DIP2A: variants seen among roughly 807,000 people sequenced by gnomAD.
DIP2A encodes disco-interacting protein 2 homolog A.
DIP2A carries 85 observed loss-of-function variants against 177.4 expected under a neutral mutation model. That is an observed-to-expected ratio of 0.48 (90% CI 0.40 to 0.57). The LOEUF (loss-of-function observed/expected upper bound fraction) is 0.57, where lower values mean the gene tolerates loss of function less well. Ranked by LOEUF, DIP2A falls within the 20% of genes least tolerant of loss-of-function variation. The probability of loss-of-function intolerance (pLI) is 0.00; values close to 1 mark genes in which losing one functional copy is unlikely to be tolerated. For synonymous variants in DIP2A, 886 were observed against 881.8 expected (o/e 1.00, Z -0.08); for missense variants, 1,791 against 2,100.2 (o/e 0.85, Z 2.88).
At chr21:46,496,226 T>A (rs1568970159) in intron 3 of DIP2A, among the ~76,000 whole-genome samples, 2 of 152,008 alleles carry the variant, frequency 1.3e-5, no homozygotes, top group East Asian at 3.9e-4. Flanking sequence ...CATTTGTATC[T>A]CCTCTCCCTC....
intron 8 of DIP2A, among the ~76,000 whole-genome samples, chr21:46,512,811 ACAAAC>A (rs1320771929): frequency 2.3e-5 from 2 of 86,624 alleles, no homozygotes; most frequent in African/African-American, 9.0e-5. Flanking sequence ...AAAAAAAAAA[ACAAAC>A]AAAACAAAAA....
Position 46,539,892 on chromosome 21 carries a change from G to A in DIP2A, c.1937G>A (p.Cys646Tyr), listed in dbSNP as rs780841579. 54 of 1,613,964 alleles carry A rather than the reference G, an allele frequency of 3.3e-5. No individual in the cohort carries two copies. The East Asian group carries it at 1.0e-3, about 31-fold the overall frequency. The change falls in exon 17 of 38, where the codon TGT (cysteine) becomes TAT (tyrosine). Residue 646 changes from cysteine to tyrosine, a missense_variant. Transcript: ENST00000417564. ...CTCTGTGCAGGGTCGATCTCCTCCT[G>A]TGACGCCTTCCTCAACGTCTTCCAG... Reference protein sequence around the residue: ...DGANPWSISSCDAFLNVFQSR... With the variant: ...DGANPWSISSYDAFLNVFQSR...
In DIP2A at chr21:46,459,144, G is replaced by T. The variant is rs1167130720; in HGVS notation, c.13G>T (p.Gly5Trp). 6 of 1,513,926 alleles carry T rather than the reference G, an allele frequency of 4.0e-6. No homozygotes were observed. The highest frequency in any genetic ancestry group is 2.1e-5 in the Admixed American group (1 of 47,528). 93.8% of individuals were successfully genotyped at this position (1,513,926 alleles called of 1,614,324 possible). A position where few individuals can be genotyped will look rare whatever the true frequency, so the allele number is the denominator to read the frequency against. The part of the protein sequence containing the change: MADR[G>W]CPLEAAPLPA... ...AGCCGGCCTGGCCATGGCTGACCGC[G>T]GGTGCCCGCTGGAGGCGGCGCCGCT... The change falls in exon 1 of 38, where the codon GGG becomes TGG. Residue 5 changes from glycine to tryptophan, a missense_variant. Transcript: ENST00000417564.
chr21:46,557,813 AAAC>A lies in DIP2A; in HGVS notation c.3798+66_3798+68del. 6.5e-7 allele frequency: 1 copy of A among 1,548,696 alleles called. No individual in the cohort carries two copies. The highest frequency in any genetic ancestry group is 8.8e-7 in the Non-Finnish European group (1 of 1,141,342). On this transcript the variant is annotated intron_variant, in intron 31 of 37. Transcript: ENST00000417564. The surrounding 1 kb of genome is among the most constrained non-coding windows in gnomAD (Gnocchi z 6.0). ...CAGACCACAGCCCTGGGAAGTTTAA[AAAC>A]AACAAAACAAAACAAGACTCCCAAG...
At chr21:46,468,018 G>A (rs940770344) in intron 1 of DIP2A, among the ~76,000 whole-genome samples, 2 of 151,844 alleles carry the variant, frequency 1.3e-5, no homozygotes, top group African/African-American at 4.8e-5. Context: ...AATCCCAGCA[G>A]TTTGGGAGGC....
chr21:46,580,078 G>A, the DIP2A span, among the ~76,000 whole-genome samples: 21 of 152,274 alleles, frequency 1.4e-4, no homozygotes, highest in East Asian at 3.9e-3. Flanking sequence ...TATTGTGTGA[G>A]AGTCTAAGTC....
At chr21:46,468,261 CA>C (rs1207842729) in intron 1 of DIP2A, among the ~76,000 whole-genome samples, 55 of 87,846 alleles carry the variant, frequency 6.3e-4, no homozygotes, top group African/African-American at 1.8e-3. Context: ...GAGACTGTCT[CA>C]AAAAAAAAAA....
In DIP2A at chr21:46,498,991, T is replaced by C. The variant is rs73909569; in HGVS notation, c.655+158T>C. ...AGTGACTGAGGTCACACAACCCAGA[T>C]AACCCATACTGGCTTATCTGCCTGA... On this transcript the variant is annotated intron_variant, in intron 5 of 37. Coordinates refer to ENST00000417564, the MANE Select transcript of DIP2A (RefSeq NM_015151.4). The surrounding 1 kb of genome is among the most constrained non-coding windows in gnomAD (Gnocchi z 4.3). Among the ~76,000 whole-genome samples, 7,096 of 152,256 alleles carry C rather than the reference T, an allele frequency of 0.047. 532 individuals carry two copies. Among genetic ancestry groups the C allele is most frequent in the African/African-American group, 0.16 (6,612 of 41,524 alleles).
intron 1 of DIP2A, among the ~76,000 whole-genome samples, chr21:46,479,018 T>C (rs1303037261): frequency 6.6e-6 from 1 of 152,224 alleles, no homozygotes; most frequent in Admixed American, 6.5e-5. Flanking sequence ...TTAATCTATA[T>C]AGAGAGAAAG....
intron 8 of DIP2A, among the ~76,000 whole-genome samples, chr21:46,520,523 G>T (rs1301714885): frequency 1.3e-5 from 2 of 152,182 alleles, no homozygotes; most frequent in Non-Finnish European, 2.9e-5. Flanking sequence ...AACCTCCAAA[G>T]TTATCAGAAA....
At chr21:46,555,189 C>T (rs929438720) in intron 28 of DIP2A, among the ~76,000 whole-genome samples, 12 of 152,242 alleles carry the variant, frequency 7.9e-5, no homozygotes, top group Non-Finnish European at 1.6e-4. Flanking sequence ...CCCTCTCACC[C>T]GCCTCCTACT....
At chr21:46,490,535 G>T in intron 2 of DIP2A, 65 bp from the exon 3 acceptor site, 1 of 1,499,382 alleles carries the variant, frequency 6.7e-7, no homozygotes, top group South Asian at 1.3e-5. Context: ...TGTTTTCAAT[G>T]GACTTTTTCA....
chr21:46,557,273 C>T lies in DIP2A; in HGVS notation c.3629+204C>T. 2 of 652,960 alleles carry T rather than the reference C, an allele frequency of 3.1e-6. No homozygotes were observed. Among genetic ancestry groups the T allele is most frequent in the Admixed American group, 5.9e-5 (2 of 33,844 alleles). 40.4% of individuals were successfully genotyped at this position (652,960 alleles called of 1,614,324 possible). On this transcript the variant is annotated intron_variant, in intron 30 of 37. Transcript: ENST00000417564. The surrounding 1 kb of genome is among the most constrained non-coding windows in gnomAD (Gnocchi z 6.0). ...TTTCATTAAATACACTGTCCGTTAT[C>T]AGTACTTGGGAAGAATCTGCTTGAT...
chr21:46,469,271 G>C (rs2055143439), intron 1 of DIP2A: 1 of 152,180 alleles, frequency 6.6e-6, no homozygotes. Flanking sequence ...TGTTTATTCA[G>C]TTTCAAATAA....
chr21:46,486,365 C>T (rs2056697207), intron 2 of DIP2A, among the ~76,000 whole-genome samples: 1 of 152,108 alleles, frequency 6.6e-6, no homozygotes, highest in Non-Finnish European at 1.5e-5. Context: ...CCACCACGCC[C>T]AGCTTACTGA....
At chr21:46,536,854 A>G (rs2059594819) in intron 13 of DIP2A, among the ~76,000 whole-genome samples, 1 of 151,538 alleles carries the variant, frequency 6.6e-6, no homozygotes. Flanking sequence ...CAGTGAGCTG[A>G]GATTGCTCCA....
chr21:46,467,355 TTTTGTTTG>T lies in DIP2A; in HGVS notation c.91+8153_91+8160del, dbSNP rs529051419. 1.9e-3 allele frequency among the ~76,000 whole-genome samples: 294 copies of T among 151,406 alleles called. 2 individuals are homozygous for T. Among genetic ancestry groups the T allele is most frequent in the African/African-American group, 6.7e-3 (278 of 41,268 alleles). Reference sequence around the variant, plus strand: ...TATTTAAAAAATTTCACAGTATTAGTTTTGTTTGTTTGTTTGTTTGTTTGTTTTTTAAG... The same window carrying T: ...TATTTAAAAAATTTCACAGTATTAGTTTTGTTTGTTTGTTTGTTTTTTAAG... On this transcript the variant is annotated intron_variant, in intron 1 of 37. Coordinates refer to ENST00000417564, the MANE Select transcript of DIP2A (RefSeq NM_015151.4).
In DIP2A at chr21:46,552,569, T is replaced by C. The variant is rs111790630; in HGVS notation, c.3030+665T>C. On this transcript the variant is annotated intron_variant, in intron 25 of 37. Transcript: ENST00000417564. ...ACAAGCTGTAAGAACTCTTAAGCTT[T>C]GGTGTCGTAAAGAGTAGGTCACTGT... Among the ~76,000 whole-genome samples, 180 of 152,332 alleles carry C rather than the reference T, an allele frequency of 1.2e-3. 1 individual carries two copies. Among genetic ancestry groups the C allele is most frequent in the Non-Finnish European group, 2.0e-3 (137 of 68,034 alleles).
chr21:46,506,766 TTCTTTC>T (rs2058024922), intron 6 of DIP2A, among the ~76,000 whole-genome samples: 2 of 100,242 alleles, frequency 2.0e-5, no homozygotes, highest in African/African-American at 3.9e-5. Context: ...CTTTCTTTCT[TTCTTTC>T]TTTTCTTTTC....
Sources: gnomAD v4.1 joint callset for allele counts (sites outside exome capture counted in the v4.1 genomes callset) on GRCh38, gnomAD v4.1.1 for gene constraint, Gnocchi (gnomAD v3.1) non-coding constraint, MANE v1.5 for transcripts, NCBI Gene and HGNC (gene_info 2026-07-23, HGNC 2026-07-21) for gene names.